Variants in TULP4 observed in about 807,000 individuals in gnomAD.
TULP4 encodes the protein tubby-related protein 4.
A neutral mutation model predicts 129.0 loss-of-function variants in TULP4; 16 were observed. The ratio of observed to expected loss-of-function variants is 0.12; its 90% CI spans 0.08 to 0.19. The LOEUF (loss-of-function observed/expected upper bound fraction) is 0.19, where lower values mean the gene tolerates loss of function less well. Among genes scored for constraint, TULP4 ranks in the 10% least tolerant of loss-of-function variants. The pLI is 1.00. For missense variants in TULP4, 1,842 were observed against 2,059.1 expected, an observed-to-expected ratio of 0.89 and a Z score of 2.04; for synonymous variants, 998 against 854.0, an observed-to-expected ratio of 1.17 and a Z score of -2.94.
At position 158,510,296 on chromosome 6, in the gene TULP4, T is replaced by G. The variant is rs1242654674; in HGVS notation, c.*3602T>G. On this transcript the variant is annotated 3_prime_UTR_variant, in exon 14 of 14. Coordinates refer to ENST00000367097, the MANE Select transcript of TULP4 (RefSeq NM_020245.5). ...AGTGTCTCACAAGGACATGGAAGAA[T>G]GTGTTATGTTCATCTTGTAATCATA... 1 of 152,384 alleles carries G rather than the reference T, an allele frequency of 6.6e-6. No homozygotes were observed. The highest frequency in any genetic ancestry group is 1.5e-5 in the Non-Finnish European group (1 of 68,038). 9.4% of individuals were successfully genotyped at this position (152,384 alleles called of 1,614,324 possible).
At chr6:158,267,166 A>AAAG (rs1778460795) in intron 1 of TULP4, among the ~76,000 whole-genome samples, 2 of 152,168 alleles carry the variant, frequency 1.3e-5, no homozygotes, top group Non-Finnish European at 2.9e-5. Context: ...GCTGAATGAT[A>AAAG]TTTCATTGTA....
intron 1 of TULP4, among the ~76,000 whole-genome samples, chr6:158,362,555 G>A (rs1170511284): frequency 2.0e-5 from 3 of 152,138 alleles, no homozygotes; most frequent in African/African-American, 7.2e-5. Flanking sequence ...TTGCTGTATT[G>A]TCCAGGCTGG....
chr6:158,391,488 C>A (rs1221671130), intron 1 of TULP4, among the ~76,000 whole-genome samples: 1 of 152,170 alleles, frequency 6.6e-6, no homozygotes, highest in African/African-American at 2.4e-5. Context: ...TGAATTCAAA[C>A]CTACAAAGGC....
intron 1 of TULP4, among the ~76,000 whole-genome samples, chr6:158,265,385 G>A (rs6911000): frequency 0.33 from 49,957 of 151,932 alleles, 9,206 homozygotes; most frequent in Admixed American, 0.45. Flanking sequence ...AAATGTAGTG[G>A]CTAAAGAGGA....
chr6:158,362,169 A>G (rs1250770092), intron 1 of TULP4, among the ~76,000 whole-genome samples: 1 of 152,066 alleles, frequency 6.6e-6, no homozygotes, highest in Non-Finnish European at 1.5e-5. Context: ...ATGAACCCAC[A>G]CTCTGGGTTA....
chr6:158,361,856 C>A (rs1780798132), intron 1 of TULP4, among the ~76,000 whole-genome samples: 1 of 152,162 alleles, frequency 6.6e-6, no homozygotes, highest in Admixed American at 6.5e-5. Flanking sequence ...ATACCAACTT[C>A]CTCTGGGTTT....
At chr6:158,331,726 C>CGT (rs1401289901) in intron 1 of TULP4, among the ~76,000 whole-genome samples, 7,786 of 32,664 alleles carry the variant, frequency 0.24, 2,836 homozygotes, top group African/African-American at 0.42. Context: ...CACACACACA[C>CGT]ACATACGTAT....
At chr6:158,300,233 C>G (rs1169814178) in intron 1 of TULP4, among the ~76,000 whole-genome samples, 1 of 152,118 alleles carries the variant, frequency 6.6e-6, no homozygotes, top group South Asian at 2.1e-4. Context: ...ACAAGCATAC[C>G]CTCTTCCCCA....
At chr6:158,476,365 A>G (rs1779820599) in intron 6 of TULP4, among the ~76,000 whole-genome samples, 1 of 152,084 alleles carries the variant, frequency 6.6e-6, no homozygotes, top group Non-Finnish European at 1.5e-5. Context: ...CCTAGATAAT[A>G]ATTATTCCTT....
upstream of TULP4, among the ~76,000 whole-genome samples, chr6:158,309,761 C>T (rs985120852): frequency 2.6e-5 from 4 of 151,990 alleles, no homozygotes; most frequent in South Asian, 4.2e-4. Context: ...CGTGGCGGCG[C>T]GCCTGCAATC....
intron 5 of TULP4, among the ~76,000 whole-genome samples, chr6:158,453,696 G>A (rs1359154502): frequency 6.6e-6 from 1 of 151,444 alleles, no homozygotes; most frequent in East Asian, 1.9e-4. Context: ...GGCTGAGGCA[G>A]GAGAATTGCT....
chr6:158,427,682 CAG>C (rs1388091060), intron 2 of TULP4, among the ~76,000 whole-genome samples: 1 of 151,428 alleles, frequency 6.6e-6, no homozygotes. Context: ...TTAGTAGAAA[CAG>C]GGTTTCACCA....
At chr6:158,277,958 C>G, upstream of TULP4, among the ~76,000 whole-genome samples, 1 of 152,220 alleles carries the variant, frequency 6.6e-6, no homozygotes, top group Non-Finnish European at 1.5e-5. Context: ...CAACTCCCAT[C>G]ACCTCATCCC....
At chr6:158,326,445 A>G (rs987293455) in intron 1 of TULP4, among the ~76,000 whole-genome samples, 2 of 152,078 alleles carry the variant, frequency 1.3e-5, no homozygotes, top group Non-Finnish European at 2.9e-5. Flanking sequence ...CTTCCTTTTA[A>G]TCATCATCTT....
intron 1 of TULP4, among the ~76,000 whole-genome samples, chr6:158,353,321 A>G (rs2114808136): frequency 6.7e-6 from 1 of 149,366 alleles, no homozygotes; most frequent in East Asian, 1.9e-4. Flanking sequence ...GTCTTTCTTT[A>G]TTCCCATTAG....
chr6:158,269,015 A>G (rs1035792420), intron 1 of TULP4, among the ~76,000 whole-genome samples: 1 of 152,180 alleles, frequency 6.6e-6, no homozygotes, highest in African/African-American at 2.4e-5. Flanking sequence ...TCCACACCCA[A>G]GCTTAGTGAC....
At chr6:158,343,144 G>A (rs201108561) in intron 1 of TULP4, among the ~76,000 whole-genome samples, 38 of 152,116 alleles carry the variant, frequency 2.5e-4, no homozygotes, top group African/African-American at 6.5e-4. Flanking sequence ...CTGTGTGAGC[G>A]CGCCTGGGCT....
At chr6:158,498,454 T>C (rs1780377275) in intron 11 of TULP4, among the ~76,000 whole-genome samples, 1 of 152,270 alleles carries the variant, frequency 6.6e-6, no homozygotes, top group South Asian at 2.1e-4. Flanking sequence ...AGACCGGGAA[T>C]CTGCTGTTAC....
chr6:158,399,754 A>G (rs1440559806), intron 1 of TULP4, among the ~76,000 whole-genome samples: 2 of 152,262 alleles, frequency 1.3e-5, no homozygotes. Context: ...AGACTTGCTC[A>G]AAGTCCCAAG....
Sources: gnomAD v4.1 joint callset for allele counts (sites outside exome capture counted in the v4.1 genomes callset) on GRCh38, gnomAD v4.1.1 for gene constraint, MANE v1.5 for transcripts, NCBI Gene and HGNC (gene_info 2026-07-23, HGNC 2026-07-21) for gene names.